The following AFF4 variants were observed in gnomAD, a reference collection of about 807,000 sequenced individuals.
The protein encoded by AFF4 is ALF transcription elongation factor 4, also known as AF4/FMR2 family member 4.
In AFF4, 13 loss-of-function variants were observed where a neutral mutation model predicts 124.8. The ratio of observed to expected loss-of-function variants is 0.10; its 90% CI spans 0.07 to 0.17. AFF4 has a LOEUF of 0.17. Ranked by LOEUF, AFF4 falls within the 10% of genes least tolerant of loss-of-function variation. The pLI is 1.00. For synonymous variants in AFF4, 477 were observed against 496.1 expected, an observed-to-expected ratio of 0.96 and a Z score of 0.51; for missense variants, 1,092 against 1,403.8, an observed-to-expected ratio of 0.78 and a Z score of 3.55.
rs1168294115 is a variant in AFF4 at position 132,963,546 on chromosome 5, G to A, written c.-292C>T. ...CAGCTGACTGAGGCGGCGGGGGCGGGTTAACGAAGACCTGGCACCAGGATC... is the reference window on the plus strand; with the variant it reads ...CAGCTGACTGAGGCGGCGGGGGCGGATTAACGAAGACCTGGCACCAGGATC... On this transcript the variant is annotated 5_prime_UTR_variant, in exon 1 of 21. Coordinates refer to ENST00000265343, the MANE Select transcript of AFF4 (RefSeq NM_014423.4). The A allele has an allele frequency of 2.5e-6, 1 of 398,248 alleles. No individual in the cohort carries two copies. The highest frequency in any genetic ancestry group is 4.4e-6 in the Non-Finnish European group (1 of 225,864). The allele number at this position is 398,248 out of a possible 1,614,324, so 24.7% of individuals were successfully genotyped here.
chr5:132,888,701 A>ATT (rs923070134), intron 14 of AFF4, among the ~76,000 whole-genome samples: 1 of 146,428 alleles, frequency 6.8e-6, no homozygotes. Flanking sequence ...TCAATGATAG[A>ATT]TTTTTTTTTT....
chr5:132,946,835 AAATGT>A (rs1761708358), intron 1 of AFF4, among the ~76,000 whole-genome samples: 1 of 152,176 alleles, frequency 6.6e-6, no homozygotes, highest in South Asian at 2.1e-4. Flanking sequence ...ATAAAAATTT[AAATGT>A]GTATTCCTAG....
chr5:132,914,494 A>G (rs191163878), intron 5 of AFF4, among the ~76,000 whole-genome samples: 4,366 of 150,024 alleles, frequency 0.029, 188 homozygotes, highest in African/African-American at 0.097. Context: ...CCAGCTACTC[A>G]GGAGGCTGAG....
chr5:132,938,941 CAAAAAAAAA>C (rs762784790), intron 1 of AFF4, among the ~76,000 whole-genome samples: 2 of 38,336 alleles, frequency 5.2e-5, no homozygotes, highest in Non-Finnish European at 8.9e-5. Flanking sequence ...AGACTCATCT[CAAAAAAAAA>C]AAAAAAAAAA....
At chr5:132,908,424 T>C (rs1438573208) in intron 5 of AFF4, among the ~76,000 whole-genome samples, 1 of 152,090 alleles carries the variant, frequency 6.6e-6, no homozygotes, top group African/African-American at 2.4e-5. Context: ...ATACCATGCT[T>C]ATTAAATCAC....
Position 132,879,830 on chromosome 5 carries a change from T to G in AFF4, c.*1229A>C, listed in dbSNP as rs1759929074. On this transcript the variant is annotated 3_prime_UTR_variant, in exon 21 of 21. Transcript: ENST00000265343. ...ACACTGAATCAAGTTAGGTACACTT[T>G]TCTAGTGTGAAATTTTCTGATTCCA... 4.3e-6 allele frequency: 1 copy of G among 233,068 alleles called. No individual in the cohort carries two copies. Among genetic ancestry groups the G allele is most frequent in the Non-Finnish European group, 8.4e-6 (1 of 118,670 alleles). The allele number at this position is 233,068 out of a possible 1,614,324, so 14.4% of individuals were successfully genotyped here.
At chr5:132,937,281 TCA>T in intron 1 of AFF4, 88 bp from the exon 2 acceptor site, 1 of 1,414,586 alleles carries the variant, frequency 7.1e-7, no homozygotes, top group South Asian at 1.5e-5. Context: ...AACACTTCAA[TCA>T]CAGATTCCCT....
At chr5:132,908,776 A>ATATATATATATT (rs375891983) in intron 5 of AFF4, among the ~76,000 whole-genome samples, 1 of 114,920 alleles carries the variant, frequency 8.7e-6, no homozygotes, top group African/African-American at 3.0e-5. Flanking sequence ...ATATATATAT[A>ATATATATATATT]TTTTTTTTTT....
At chr5:132,891,623 C>A (rs975044922) in intron 13 of AFF4, among the ~76,000 whole-genome samples, 4 of 150,542 alleles carry the variant, frequency 2.7e-5, no homozygotes, top group African/African-American at 9.9e-5. Context: ...TTTCATGAAT[C>A]AAAGTCAAAT....
chr5:132,937,161 C>T lies in AFF4; in HGVS notation c.29G>A (p.Arg10His). 6.2e-7 allele frequency: 1 copy of T among 1,613,864 alleles called. No homozygotes were observed. The highest frequency in any genetic ancestry group is 8.5e-7 in the Non-Finnish European group (1 of 1,179,862). MNREDRNVL[R>H]MKERERRNQE... ...ATTCCGCCTTTCCCGTTCTTTCATA[C>T]GCAGCACATTCCGGTCTTCACGGTT... The change falls in exon 2 of 21, where the codon CGT becomes CAT. Residue 10 changes from arginine to histidine, a missense_variant. Physicochemically the swap from Arg to His is conservative, Grantham distance 29. Transcript: ENST00000265343.
intron 2 of AFF4, 23 bp from the exon 3 acceptor site, chr5:132,934,964 AAAATT>A (rs747257548): frequency 1.0e-5 from 15 of 1,461,388 alleles, no homozygotes; most frequent in Admixed American, 4.6e-5. Context: ...AAAATAAAAT[AAAATT>A]ATAAAATGAG....
intron 5 of AFF4, among the ~76,000 whole-genome samples, chr5:132,921,273 C>CGCA (rs1761038161): frequency 6.6e-6 from 1 of 152,108 alleles, no homozygotes; most frequent in South Asian, 2.1e-4. Flanking sequence ...TCAAGATACT[C>CGCA]TGTCTCTAGA....
At chr5:132,886,522 A>G (rs776394625) in intron 17 of AFF4, 119 bp from the exon 18 acceptor site, 1 of 830,970 alleles carries the variant, frequency 1.2e-6, no homozygotes, top group Non-Finnish European at 1.9e-6. Flanking sequence ...AGGCCACAAC[A>G]TTAACCGTTA....
chr5:132,882,764 G>C (rs1388349195), intron 20 of AFF4, among the ~76,000 whole-genome samples: 1 of 147,338 alleles, frequency 6.8e-6, no homozygotes, highest in Non-Finnish European at 1.5e-5. Flanking sequence ...CTGAGCAGGA[G>C]AATCACTTGA....
intron 1 of AFF4, chr5:132,943,811 G>C: frequency 3.9e-6 from 1 of 254,696 alleles, no homozygotes; most frequent in East Asian, 9.3e-5. Context: ...GTCCAAATCA[G>C]TGCTGGCTAT....
In AFF4 at chr5:132,877,668, T is replaced by A; in HGVS notation, c.*3391A>T. On this transcript the variant is annotated 3_prime_UTR_variant, in exon 21 of 21. Coordinates refer to ENST00000265343, the MANE Select transcript of AFF4 (RefSeq NM_014423.4). The stretch of plus-strand genomic sequence containing the variant: ...GAACAATCACTGGCTGCTCTGAAAC[T>A]CCAGAGTACTGGCCTCTAGAGCCAG... 4.7e-6 allele frequency: 1 copy of A among 211,450 alleles called. No homozygotes were observed. The allele number at this position is 211,450 out of a possible 1,614,324, so 13.1% of individuals were successfully genotyped here.
intron 5 of AFF4, among the ~76,000 whole-genome samples, chr5:132,917,106 A>C (rs1176171231): frequency 6.6e-6 from 1 of 151,846 alleles, no homozygotes; most frequent in Non-Finnish European, 1.5e-5. Flanking sequence ...TTTAGTAGAG[A>C]CAGGGTTTCT....
chr5:132,882,583 G>A (rs1053145643), intron 20 of AFF4, among the ~76,000 whole-genome samples: 2 of 152,220 alleles, frequency 1.3e-5, no homozygotes, highest in East Asian at 1.9e-4. Flanking sequence ...CTGGCCGGAC[G>A]TGGTGGCTCA....
At chr5:132,921,224 G>C (rs6596094) in intron 5 of AFF4, among the ~76,000 whole-genome samples, 96 of 151,086 alleles carry the variant, frequency 6.4e-4, no homozygotes, top group African/African-American at 2.2e-3. Context: ...CTGCACCAAA[G>C]AAGATAAGCA....
Sources: allele counts gnomAD v4.1 joint callset (sites outside exome capture counted in the v4.1 genomes callset), GRCh38; gene constraint gnomAD v4.1.1; transcripts MANE v1.5; gene names NCBI Gene and HGNC (gene_info 2026-07-23, HGNC 2026-07-21).